The following DNAH14 variants were observed in gnomAD, a reference collection of about 807,000 sequenced individuals.
The protein encoded by DNAH14 is dynein axonemal heavy chain 14.
Under a neutral mutation model 520.9 loss-of-function variants are expected in DNAH14, and 478 were observed. The ratio of observed to expected loss-of-function variants is 0.92; its 90% CI spans 0.85 to 0.99. The LOEUF (loss-of-function observed/expected upper bound fraction) is 0.99. Among genes scored for constraint, DNAH14 ranks in the 50% least tolerant of loss-of-function variants. The probability of loss-of-function intolerance (pLI) is 0.00; values close to 1 mark genes in which losing one functional copy is unlikely to be tolerated. For synonymous variants in DNAH14, 1,581 were observed against 1,757.2 expected (o/e 0.90, Z 2.51); for missense variants, 4,831 against 5,234.5 (o/e 0.92, Z 2.38).
chr1:225,310,840 T>C (rs1354052060), intron 60 of DNAH14, among the ~76,000 whole-genome samples: 2 of 152,326 alleles, frequency 1.3e-5, no homozygotes, highest in South Asian at 4.1e-4. Flanking sequence ...CTTAATCCAG[T>C]CTATCACTGA....
chr1:225,252,363 G>A lies in DNAH14; in HGVS notation c.6811G>A (p.Glu2271Lys), dbSNP rs1027475439. ...FGYFVDIEQC[E>K]FIPWSDLVPN... is the part of the protein sequence containing the mutation. ...ATATTTTGTGGATATAGAGCAATGT[G>A]AATTCATACCTTGGTCAGATTTAGT... The change falls in exon 44 of 86, where the codon GAA becomes AAA. Residue 2271 changes from glutamate (E) to lysine (K), a missense_variant. By Grantham distance (56) the Glu-to-Lys change is moderately conservative. Coordinates refer to ENST00000682510, the MANE Select transcript of DNAH14 (RefSeq NM_001367479.1). 1.3e-6 allele frequency: 2 copies of A among 1,549,786 alleles called. No homozygotes were observed. Among genetic ancestry groups the A allele is most frequent in the Admixed American group, 2.0e-5 (1 of 50,870 alleles).
chr1:225,134,328 C>A (rs1228098258), intron 27 of DNAH14, among the ~76,000 whole-genome samples: 1 of 152,038 alleles, frequency 6.6e-6, no homozygotes, highest in Non-Finnish European at 1.5e-5. Flanking sequence ...ATGCTTCCAG[C>A]TTTTTCCCAT....
intron 17 of DNAH14, among the ~76,000 whole-genome samples, chr1:225,066,473 T>A (rs2148458427): frequency 6.6e-6 from 1 of 152,118 alleles, no homozygotes; most frequent in South Asian, 2.1e-4. Context: ...TCAGTCTTCA[T>A]TTTTAAATTT....
chr1:225,008,911 CT>C (rs2064439652), intron 10 of DNAH14, among the ~76,000 whole-genome samples: 1 of 151,990 alleles, frequency 6.6e-6, no homozygotes, highest in Non-Finnish European at 1.5e-5. Flanking sequence ...TGAATGTCTT[CT>C]TTTGAAAAGT....
intron 4 of DNAH14, among the ~76,000 whole-genome samples, chr1:224,962,065 A>T (rs1307009758): frequency 6.6e-6 from 1 of 152,172 alleles, no homozygotes. Context: ...TAGAGAAGAT[A>T]ATTTAGTATT....
chr1:224,952,922 A>G (rs868837800), intron 2 of DNAH14, 143 bp downstream of exon 2: 12 of 546,012 alleles, frequency 2.2e-5, no homozygotes, highest in African/African-American at 2.0e-4. Flanking sequence ...AGAAAACCTT[A>G]GTTTCTCAGG....
intron 43 of DNAH14, chr1:225,250,839 CT>C: frequency 4.7e-6 from 2 of 423,666 alleles, no homozygotes; most frequent in Non-Finnish European, 8.7e-6. Context: ...TGGTACCTGG[CT>C]TTGGGGTGAT....
intron 46 of DNAH14, among the ~76,000 whole-genome samples, chr1:225,260,858 T>G (rs1016122106): frequency 6.6e-6 from 1 of 152,218 alleles, no homozygotes; most frequent in Non-Finnish European, 1.5e-5. Flanking sequence ...ATTTTCACCT[T>G]CTTGTTATAT....
intron 17 of DNAH14, among the ~76,000 whole-genome samples, chr1:225,077,154 C>G (rs1363231536): frequency 6.6e-6 from 1 of 152,154 alleles, no homozygotes; most frequent in Non-Finnish European, 1.5e-5. Context: ...AATGCTTATT[C>G]ATTACATCTA....
intron 7 of DNAH14, among the ~76,000 whole-genome samples, chr1:224,970,392 T>C (rs979446077): frequency 6.6e-5 from 10 of 152,178 alleles, no homozygotes; most frequent in African/African-American, 2.4e-4. Flanking sequence ...GCCCCGGTCC[T>C]GTGGTCCTGT....
intron 41 of DNAH14, among the ~76,000 whole-genome samples, chr1:225,226,295 A>G (rs1030469816): frequency 6.6e-6 from 1 of 152,152 alleles, no homozygotes; most frequent in African/African-American, 2.4e-5. Flanking sequence ...AGGTAACACT[A>G]TATATCGCTC....
chr1:225,290,050 G>T lies in DNAH14; in HGVS notation c.8437G>T (p.Val2813Phe). 6.7e-7 allele frequency: 1 copy of T among 1,494,072 alleles called. No individual in the cohort carries two copies. Among genetic ancestry groups the T allele is most frequent in the Non-Finnish European group, 8.9e-7 (1 of 1,118,084 alleles). The allele number at this position is 1,494,072 out of a possible 1,614,324, so 92.6% of individuals were successfully genotyped here. ...CGCAGGATTAAAAGGGAAACCCACT[G>T]TTCTGATGGTTCCCAATTTAAACAT... ...IHAGLKGKPTVLMVPNLNIEQ... is the reference protein window; with the variant it reads ...IHAGLKGKPTFLMVPNLNIEQ... The change falls in exon 55 of 86, where the codon GTT becomes TTT. Residue 2813 changes from valine (V) to phenylalanine (F), a missense_variant. Coordinates refer to ENST00000682510, the MANE Select transcript of DNAH14 (RefSeq NM_001367479.1).
chr1:225,185,302 T>G lies in DNAH14; in HGVS notation c.5547T>G (p.Gly1849=). The change falls in exon 37 of 86, where the codon GGT becomes GGG. Residue 1849 remains glycine (G), a synonymous_variant. Transcript: ENST00000682510. Reference sequence around the variant, plus strand: ...AAATTTTGTTTTAGGTTTGTGTTGGTGTGATGTTAGTGGGCCCAACAGGTG... The same window carrying G: ...AAATTTTGTTTTAGGTTTGTGTTGGGGTGATGTTAGTGGGCCCAACAGGTG... ...QFYNQLQVCV[G]VMLVGPTGGG... 6.5e-7 allele frequency: 1 copy of G among 1,543,270 alleles called. No homozygotes were observed. Among genetic ancestry groups the G allele is most frequent in the Non-Finnish European group, 8.7e-7 (1 of 1,144,344 alleles).
intron 77 of DNAH14, among the ~76,000 whole-genome samples, chr1:225,373,379 C>A (rs978349698): frequency 6.6e-6 from 1 of 151,306 alleles, no homozygotes; most frequent in Non-Finnish European, 1.5e-5. Flanking sequence ...GCAGGAGAAT[C>A]GCTTGAACCC....
chr1:225,159,451 T>C lies in DNAH14; in HGVS notation c.5411T>C (p.Val1804Ala). 6.5e-7 allele frequency: 1 copy of C among 1,538,404 alleles called. No homozygotes were observed. The highest frequency in any genetic ancestry group is 8.8e-7 in the Non-Finnish European group (1 of 1,142,262). Residue 1804 changes from valine to alanine, a missense_variant, in exon 35 of 86, where the codon GTG (valine) becomes GCG (alanine). By Grantham distance (64) the Val-to-Ala change is moderately conservative. Coordinates refer to ENST00000682510, the MANE Select transcript of DNAH14 (RefSeq NM_001367479.1). ...ATTATAGGAGATATTTTTCCAGAAG[T>C]GACAGTTTTGAAAGTAAATCAACTT... ...ENIIGDIFPE[V>A]TVLKVNQLAL...
intron 41 of DNAH14, among the ~76,000 whole-genome samples, chr1:225,223,728 A>G (rs2149522724): frequency 6.6e-6 from 1 of 152,232 alleles, no homozygotes; most frequent in Non-Finnish European, 1.5e-5. Context: ...AAAAATTTGC[A>G]TTTACCACAC....
intron 26 of DNAH14, among the ~76,000 whole-genome samples, chr1:225,119,504 T>C (rs575342632): frequency 2.6e-5 from 4 of 152,176 alleles, no homozygotes; most frequent in Non-Finnish European, 5.9e-5. Flanking sequence ...ACTTTTACAG[T>C]GTAACTGTCA....
At chr1:225,358,374 A>C in intron 73 of DNAH14, 122 bp from the exon 74 acceptor site, 2 of 885,034 alleles carry the variant, frequency 2.3e-6, no homozygotes, top group Non-Finnish European at 3.3e-6. Flanking sequence ...CTTCCTCAAC[A>C]GGAAAACTCT....
At chr1:224,947,869 C>G (rs1277896824) in intron 1 of DNAH14, among the ~76,000 whole-genome samples, 2 of 151,826 alleles carry the variant, frequency 1.3e-5, no homozygotes, top group African/African-American at 2.4e-5. Context: ...TATTTCTACT[C>G]TAATTGTATT....
Sources: gnomAD v4.1 joint callset for allele counts (sites outside exome capture counted in the v4.1 genomes callset) on GRCh38, gnomAD v4.1.1 for gene constraint, MANE v1.5 for transcripts, NCBI Gene and HGNC (gene_info 2026-07-23, HGNC 2026-07-21) for gene names.